The following MLIP variants were observed in gnomAD, a reference collection of about 807,000 sequenced individuals.
MLIP encodes muscular LMNA-interacting protein.
MLIP carries 79 observed loss-of-function variants against 84.8 expected under a neutral mutation model. The ratio of observed to expected loss-of-function variants is 0.93; its 90% CI spans 0.78 to 1.12. MLIP has a LOEUF of 1.12. Ranked by LOEUF, MLIP falls within the 50% of genes most tolerant of loss-of-function variation. The probability of loss-of-function intolerance (pLI) is 0.00; values close to 1 mark genes in which losing one functional copy is unlikely to be tolerated. For synonymous variants in MLIP, 504 were observed against 463.0 expected, an observed-to-expected ratio of 1.09 and a Z score of -1.14; for missense variants, 1,257 against 1,160.6, an observed-to-expected ratio of 1.08 and a Z score of -1.21.
At chr6:54,251,469 T>G (rs1217158501) in intron 12 of MLIP, among the ~76,000 whole-genome samples, 1 of 131,000 alleles carries the variant, frequency 7.6e-6, no homozygotes, top group Non-Finnish European at 1.5e-5. Flanking sequence ...TATATATATC[T>G]GTCTCTCCAT....
intron 1 of MLIP, among the ~76,000 whole-genome samples, chr6:54,040,668 T>C (rs1764692854): frequency 6.6e-6 from 1 of 152,022 alleles, no homozygotes; most frequent in Admixed American, 6.6e-5. Flanking sequence ...TCAACCTAGG[T>C]GCCTATCAGT....
intron 1 of MLIP, among the ~76,000 whole-genome samples, chr6:54,032,624 G>A (rs2150285660): frequency 6.6e-6 from 1 of 152,194 alleles, no homozygotes; most frequent in Admixed American, 6.5e-5. Context: ...TGCAATTTTG[G>A]CCCACTGCAA....
At chr6:54,170,204 C>T (rs1432113651) in intron 9 of MLIP, among the ~76,000 whole-genome samples, 5 of 151,624 alleles carry the variant, frequency 3.3e-5, no homozygotes, top group Admixed American at 1.3e-4. Context: ...TCTGACCAAA[C>T]GTATTCTAGT....
At position 54,266,041 on chromosome 6, in the gene MLIP, TTTTTCCA is replaced by T; in HGVS notation, c.*87_*93del. The T allele has an allele frequency of 6.9e-7, 1 of 1,447,278 alleles. No homozygotes were observed. The allele number at this position is 1,447,278 out of a possible 1,614,324, so 89.7% of individuals were successfully genotyped here. On this transcript the variant is annotated 3_prime_UTR_variant, in exon 14 of 14. Coordinates refer to ENST00000502396, the MANE Select transcript of MLIP (RefSeq NM_001281747.2). ...ACTTGCTAGATTTAACTTTTTTTTTTTTTTCCAGAATGAGTGCTCCCTTTATGAGCTG... is the reference window on the plus strand; with the variant it reads ...ACTTGCTAGATTTAACTTTTTTTTTTGAATGAGTGCTCCCTTTATGAGCTG...
intron 4 of MLIP, among the ~76,000 whole-genome samples, chr6:54,142,307 T>C (rs2150500859): frequency 6.6e-6 from 1 of 152,250 alleles, no homozygotes; most frequent in South Asian, 2.1e-4. Flanking sequence ...CCCCTCCAAA[T>C]AAGTAAATTA....
At chr6:54,241,118 T>TC (rs1374843571) in intron 12 of MLIP, among the ~76,000 whole-genome samples, 2 of 146,188 alleles carry the variant, frequency 1.4e-5, no homozygotes, top group Admixed American at 1.3e-4. Context: ...AACAGACGTT[T>TC]CTTTTTTTTT....
intron 4 of MLIP, among the ~76,000 whole-genome samples, chr6:54,143,213 T>C (rs1053614363): frequency 2.9e-5 from 4 of 139,242 alleles, no homozygotes; most frequent in African/African-American, 9.1e-5. Context: ...CCTGGGGGGA[T>C]TTGCTTTTTT....
Position 54,154,642 on chromosome 6 carries a change from C to T in MLIP, c.2289+5515C>T, listed in dbSNP as rs373095801. ...CGTACTGTACAGTGACATCAGCTAG[C>T]TACAGTGAATTATTGAGTAAGGGAT... is the stretch of plus-strand genomic sequence containing the variant. On this transcript the variant is annotated intron_variant, in intron 5 of 13. Coordinates refer to ENST00000502396, the MANE Select transcript of MLIP (RefSeq NM_001281747.2). 4.6e-5 allele frequency among the ~76,000 whole-genome samples: 7 copies of T among 152,260 alleles called. No homozygotes were observed. In the East Asian group the frequency reaches 1.4e-3, roughly 29 times the overall value.
chr6:54,070,241 T>C (rs1766402150), intron 1 of MLIP, among the ~76,000 whole-genome samples: 1 of 152,224 alleles, frequency 6.6e-6, no homozygotes, highest in Admixed American at 6.5e-5. Flanking sequence ...ATTTTTGTTA[T>C]TCTCCTTCAA....
intron 1 of MLIP, chr6:54,045,341 C>T (rs1023576402): frequency 1.2e-4 from 3 of 24,410 alleles, no homozygotes; most frequent in Non-Finnish European, 2.9e-4. Flanking sequence ...AGTGAGACTC[C>T]TTTTCAAAAA....
In MLIP at chr6:54,117,673, G is replaced by A. The variant is rs183739896; in HGVS notation, c.97-3774G>A. Among the ~76,000 whole-genome samples the A allele has an allele frequency of 1.2e-3, 183 of 151,864 alleles. 1 individual carries two copies. The highest frequency in any genetic ancestry group is 4.1e-3 in the African/African-American group (171 of 41,472). ...TATATAAAAAATTTTAGGGCCGGGT[G>A]TGGTGGCTAACACCTGTAATCCCAG... On this transcript the variant is annotated intron_variant, in intron 1 of 13. Coordinates refer to ENST00000502396, the MANE Select transcript of MLIP (RefSeq NM_001281747.2).
chr6:54,146,326 T>C (rs915351388), intron 4 of MLIP, among the ~76,000 whole-genome samples: 17 of 152,206 alleles, frequency 1.1e-4, no homozygotes, highest in Admixed American at 2.6e-4. Context: ...GATTTGATGA[T>C]TATATTTTAC....
chr6:54,059,748 G>A (rs1165761436), intron 1 of MLIP, among the ~76,000 whole-genome samples: 1 of 146,348 alleles, frequency 6.8e-6, no homozygotes, highest in Non-Finnish European at 1.5e-5. Flanking sequence ...TTTTTAAATA[G>A]CGTTTGGTTA....
chr6:54,198,928 A>G (rs1778486899), intron 10 of MLIP, among the ~76,000 whole-genome samples: 1 of 151,526 alleles, frequency 6.6e-6, no homozygotes, highest in Non-Finnish European at 1.5e-5. Flanking sequence ...GTGTGTGAAG[A>G]GAGTGGATGT....
At chr6:54,120,232 T>C (rs1403489164) in intron 1 of MLIP, among the ~76,000 whole-genome samples, 1 of 111,332 alleles carries the variant, frequency 9.0e-6, no homozygotes, top group South Asian at 4.0e-4. Flanking sequence ...TTGCGACTTC[T>C]TTTTTTTATT....
intron 1 of MLIP, among the ~76,000 whole-genome samples, chr6:54,112,488 T>C (rs1454814468): frequency 6.6e-6 from 1 of 152,220 alleles, no homozygotes; most frequent in African/African-American, 2.4e-5. Context: ...TAAAAGCGAA[T>C]ACCAAATGAT....
chr6:54,249,426 T>C (rs1054552046), intron 12 of MLIP, among the ~76,000 whole-genome samples: 1 of 152,190 alleles, frequency 6.6e-6, no homozygotes, highest in Admixed American at 6.6e-5. Flanking sequence ...ATTTTTGATA[T>C]TTGGCCTAAT....
At chr6:54,258,113 A>T (rs1173749891) in intron 13 of MLIP, among the ~76,000 whole-genome samples, 2 of 152,086 alleles carry the variant, frequency 1.3e-5, no homozygotes, top group Non-Finnish European at 2.9e-5. Context: ...AGTGATTTTA[A>T]AAAACTTATC....
chr6:54,166,184 T>A (rs570783343), intron 8 of MLIP, among the ~76,000 whole-genome samples: 44 of 152,088 alleles, frequency 2.9e-4, no homozygotes, highest in Admixed American at 2.0e-3. Context: ...CAGCTACAGA[T>A]GCAAGAATGT....
Sources: allele counts gnomAD v4.1 joint callset (sites outside exome capture counted in the v4.1 genomes callset), GRCh38; gene constraint gnomAD v4.1.1; transcripts MANE v1.5; gene names NCBI Gene and HGNC (gene_info 2026-07-23, HGNC 2026-07-21).